Variants in ZWINT observed in about 807,000 individuals in gnomAD.
ZWINT encodes the protein outer kinetochore KNL1 complex subunit ZWINT.
ZWINT carries 41 observed loss-of-function variants against 41.5 expected under a neutral mutation model. The observed-to-expected ratio is 0.99, with a 90% CI of 0.77 to 1.28. The LOEUF (loss-of-function observed/expected upper bound fraction) is 1.28. ZWINT is among the 50% of genes most tolerant of loss of function. ZWINT has a pLI of 0.00. For synonymous variants in ZWINT, 132 were observed against 126.8 expected (o/e 1.04, Z -0.28); for missense variants, 369 against 329.7 (o/e 1.12, Z -0.92).
rs1838328202 is a variant in ZWINT at position 56,361,203 on chromosome 10, CT to C, written c.33del (p.Ala12ProfsTer2). 6.2e-7 allele frequency: 1 copy of C among 1,613,266 alleles called. No individual in the cohort carries two copies. Among genetic ancestry groups the C allele is most frequent in the Non-Finnish European group, 8.5e-7 (1 of 1,179,984 alleles). MEAAETEAEAAALEVLAEVAG... is the reference protein window; with the variant it reads MEAAETEAEAXALEVLAEVAG... ...TTAGCCGCAAACACTTACTCTAGGG[CT>C]GCAGCTTCCGCCTCTGTCTCCGCTG... On this transcript the variant is annotated frameshift_variant, in exon 1 of 9. Coordinates refer to ENST00000373944, the MANE Select transcript of ZWINT (RefSeq NM_007057.4). LOFTEE classifies it high-confidence loss of function.
At chr10:56,360,611 G>T (rs1838305793) in intron 1 of ZWINT, among the ~76,000 whole-genome samples, 1 of 152,190 alleles carries the variant, frequency 6.6e-6, no homozygotes, top group South Asian at 2.1e-4. Context: ...AAATCAGCAG[G>T]GCTAGTGGAT....
At chr10:56,358,269 C>A in intron 8 of ZWINT, 84 bp from the exon 9 acceptor site, 1 of 952,844 alleles carries the variant, frequency 1.0e-6, no homozygotes, top group Non-Finnish European at 1.7e-6. Context: ...TTCCCACCAT[C>A]CATCTGCTCC....
chr10:56,360,775 T>G (rs1344230115), intron 1 of ZWINT, among the ~76,000 whole-genome samples: 4 of 152,078 alleles, frequency 2.6e-5, no homozygotes, highest in Admixed American at 6.5e-5. Flanking sequence ...GCACCAGCCT[T>G]GGGGCAGAGT....
rs1360547174 is a variant in ZWINT, at chr10:56,358,581, C to T, written c.767G>A (p.Gly256Glu). Residue 256 changes from glycine to glutamate, a missense_variant, in exon 7 of 9, where the codon GGG becomes GAG. Transcript: ENST00000373944. ...PQEQSTGDTMGRDPGVSFKAV... is the reference protein window; with the variant it reads ...PQEQSTGDTMERDPGVSFKAV... ...CTTGAAGGACACACCAGGGTCTCTC[C>T]CCATGGTGTCTCCTGTACTCTGCTC... 1 of 1,614,084 alleles carries T rather than the reference C, an allele frequency of 6.2e-7. No individual in the cohort carries two copies. Among genetic ancestry groups the T allele is most frequent in the Admixed American group, 1.7e-5 (1 of 60,020 alleles).
chr10:56,357,816 C>T lies in ZWINT; in HGVS notation c.*411G>A, dbSNP rs1015895767. 2.9e-6 allele frequency: 1 copy of T among 344,932 alleles called. No individual in the cohort carries two copies. Among genetic ancestry groups the T allele is most frequent in the South Asian group, 2.2e-5 (1 of 44,852 alleles). 21.4% of individuals were successfully genotyped at this position (344,932 alleles called of 1,614,324 possible). A position where few individuals can be genotyped will look rare whatever the true frequency, so the allele number is the denominator to read the frequency against. On this transcript the variant is annotated 3_prime_UTR_variant, in exon 9 of 9. Transcript: ENST00000373944. ...ACCTTAGCACAAAGAAAGGACTCAA[C>T]AAACATTTGGATCCATGAATAAAAT...
chr10:56,358,619 C>A lies in ZWINT; in HGVS notation c.729G>T (p.Pro243=). 6.2e-7 allele frequency: 1 copy of A among 1,614,068 alleles called. No individual in the cohort carries two copies. Among genetic ancestry groups the A allele is most frequent in the Non-Finnish European group, 8.5e-7 (1 of 1,180,030 alleles). Reference sequence around the variant, plus strand: ...CTGTACTCTGCTCCTGGGGTCGAGTCGGCTGCTGGGGTTTATCATCTGGAA... The same window carrying A: ...CTGTACTCTGCTCCTGGGGTCGAGTAGGCTGCTGGGGTTTATCATCTGGAA... ...ENLPDDKPQQ[P]TRPQEQSTGD... is the part of the protein sequence containing the mutation. Residue 243 remains proline (P), a synonymous_variant, in exon 7 of 9, where the codon CCG becomes CCT. Transcript: ENST00000373944.
chr10:56,357,357 T>G lies in ZWINT; in HGVS notation c.*870A>C, dbSNP rs1838189768. On this transcript the variant is annotated 3_prime_UTR_variant, in exon 9 of 9. Coordinates refer to ENST00000373944, the MANE Select transcript of ZWINT (RefSeq NM_007057.4). ...AGACCAAATTATTTTTCAAAGAAAT[T>G]TATGAATCAATGAAATAATTATAAC... 1 of 152,136 alleles carries G rather than the reference T, an allele frequency of 6.6e-6. No individual in the cohort carries two copies. The highest frequency in any genetic ancestry group is 2.4e-5 in the African/African-American group (1 of 41,456). 9.4% of individuals were successfully genotyped at this position (152,136 alleles called of 1,614,324 possible). A position where few individuals can be genotyped will look rare whatever the true frequency, so the allele number is the denominator to read the frequency against.
intron 5 of ZWINT, 64 bp from the exon 6 acceptor site, chr10:56,359,011 C>T: frequency 6.3e-7 from 1 of 1,580,824 alleles, no homozygotes; most frequent in Non-Finnish European, 8.6e-7. Flanking sequence ...CTCCCTCCAA[C>T]CCCTCCAGCC....
chr10:56,359,782 T>C lies in ZWINT; in HGVS notation c.328A>G (p.Ile110Val), dbSNP rs1311380641. ...AGGGCCTTGGTGAGGCCAATTTTGA[T>C]GGCCTCTACGTGCTCCCTGTAGGTG... The part of the protein sequence containing the change: ...KATYREHVEA[I>V]KIGLTKALTQ... Residue 110 changes from isoleucine (I) to valine (V), a missense_variant, in exon 4 of 9, where the codon ATC (isoleucine) becomes GTC (valine). Ile to Val is a conservative substitution (Grantham distance 29). Coordinates refer to ENST00000373944, the MANE Select transcript of ZWINT (RefSeq NM_007057.4). 12 of 1,614,050 alleles carry C rather than the reference T, an allele frequency of 7.4e-6. No individual in the cohort carries two copies. Among genetic ancestry groups the C allele is most frequent in the Non-Finnish European group, 8.5e-6 (10 of 1,180,040 alleles).
intron 4 of ZWINT, 58 bp downstream of exon 4, chr10:56,359,629 T>A: frequency 6.2e-7 from 1 of 1,608,240 alleles, no homozygotes; most frequent in Non-Finnish European, 8.5e-7. Flanking sequence ...TTGCTCACTC[T>A]TTCCCTCTTC....
At position 56,358,155 on chromosome 10, in the gene ZWINT, T is replaced by G; in HGVS notation, c.*72A>C. The G allele has an allele frequency of 1.4e-6, 1 of 726,150 alleles. No individual in the cohort carries two copies. The highest frequency in any genetic ancestry group is 2.6e-6 in the Non-Finnish European group (1 of 384,094). 45.0% of individuals were successfully genotyped at this position (726,150 alleles called of 1,614,324 possible). Reference sequence around the variant, plus strand: ...CAGGAGTTCACAGTCTTTCCTGTAATGATGGTTGGGAGGTGAGGGAAGTCA... The same window carrying G: ...CAGGAGTTCACAGTCTTTCCTGTAAGGATGGTTGGGAGGTGAGGGAAGTCA... On this transcript the variant is annotated 3_prime_UTR_variant, in exon 9 of 9. Transcript: ENST00000373944.
rs1838242781 is a variant in ZWINT at position 56,358,864 on chromosome 10, C to T, written c.564G>A (p.Val188=). The change falls in exon 6 of 9, where the codon GTG becomes GTA. Residue 188 remains valine (V), a synonymous_variant. Transcript: ENST00000373944. The part of the protein sequence containing the change: ...KTGTQQELDR[V]FQKLGNLKQQ... Reference sequence around the variant, plus strand: ...GCTTCAGGTTTCCAAGTTTCTGAAACACCCTGTCAAGCTCCTGCTGAGTCC... The same window carrying T: ...GCTTCAGGTTTCCAAGTTTCTGAAATACCCTGTCAAGCTCCTGCTGAGTCC... The T allele has an allele frequency of 1.2e-6, 2 of 1,614,108 alleles. No homozygotes were observed. Among genetic ancestry groups the T allele is most frequent in the East Asian group, 2.2e-5 (1 of 44,860 alleles).
chr10:56,357,937 C>T lies in ZWINT; in HGVS notation c.*290G>A, dbSNP rs1213022826. 1 of 407,354 alleles carries T rather than the reference C, an allele frequency of 2.5e-6. No individual in the cohort carries two copies. Among genetic ancestry groups the T allele is most frequent in the African/African-American group, 2.1e-5 (1 of 48,640 alleles). 25.2% of individuals were successfully genotyped at this position (407,354 alleles called of 1,614,324 possible). ...TCATAGGAGGCCCAAGGCCAGTACC[C>T]CCTCCCCATCTGCACACCCTGTGTT... On this transcript the variant is annotated 3_prime_UTR_variant, in exon 9 of 9. Transcript: ENST00000373944.
rs1236613680 is a variant in ZWINT, at chr10:56,358,852, A to G, written c.576T>C (p.Leu192=). 9.9e-6 allele frequency: 16 copies of G among 1,613,996 alleles called. No individual in the cohort carries two copies. The highest frequency in any genetic ancestry group is 1.4e-5 in the Non-Finnish European group (16 of 1,180,002). The stretch of plus-strand genomic sequence containing the variant: ...GTTCTGCCTGCTGCTTCAGGTTTCC[A>G]AGTTTCTGAAACACCCTGTCAAGCT... ...QQELDRVFQK[L]GNLKQQAEQE... The change falls in exon 6 of 9, where the codon CTT becomes CTC. Residue 192 remains leucine, a synonymous_variant. Coordinates refer to ENST00000373944, the MANE Select transcript of ZWINT (RefSeq NM_007057.4).
chr10:56,360,443 G>C, intron 1 of ZWINT, 60 bp from the exon 2 acceptor site: 1 of 1,403,392 alleles, frequency 7.1e-7, no homozygotes, highest in Non-Finnish European at 1.0e-6. Context: ...TCTACAGTTC[G>C]TGTGTGTACA....
In ZWINT at chr10:56,359,762, C is replaced by T; in HGVS notation, c.348G>A (p.Lys116=). Residue 116 remains lysine, a synonymous_variant, in exon 4 of 9, where the codon AAG becomes AAA. Coordinates refer to ENST00000373944, the MANE Select transcript of ZWINT (RefSeq NM_007057.4). ...GGGCTTCCTCCATCTGAGTCAGGGC[C>T]TTGGTGAGGCCAATTTTGATGGCCT... ...HVEAIKIGLT[K]ALTQMEEAQR... is the part of the protein sequence containing the mutation. 6.2e-7 allele frequency: 1 copy of T among 1,614,180 alleles called. No individual in the cohort carries two copies. The highest frequency in any genetic ancestry group is 8.5e-7 in the Non-Finnish European group (1 of 1,180,036).
intron 3 of ZWINT, 57 bp downstream of exon 3, chr10:56,359,961 A>T: frequency 6.2e-7 from 1 of 1,607,738 alleles, no homozygotes; most frequent in Non-Finnish European, 8.5e-7. Context: ...ACCTAACTGA[A>T]ATCCTCCTTC....
In ZWINT at chr10:56,361,250, G is replaced by A. The variant is rs762388883; in HGVS notation, c.-14C>T. 9 of 1,608,868 alleles carry A rather than the reference G, an allele frequency of 5.6e-6. No homozygotes were observed. Among genetic ancestry groups the A allele is most frequent in the Non-Finnish European group, 7.6e-6 (9 of 1,177,812 alleles). On this transcript the variant is annotated 5_prime_UTR_variant, in exon 1 of 9. Coordinates refer to ENST00000373944, the MANE Select transcript of ZWINT (RefSeq NM_007057.4). ...CGCTGCCTCCATCTTTCCAGGCGCC[G>A]AGTTCAGCTGCCTTCCCACAATCCC...
At position 56,358,201 on chromosome 10, in the gene ZWINT, G is replaced by C; in HGVS notation, c.*42-16C>G. On this transcript the variant is annotated splice_polypyrimidine_tract_variant and intron_variant, in intron 8 of 8. Transcript: ENST00000373944. ...AGTCAGAGGCCTGGGGAAGAAGACA[G>C]GGGTTAGCTCTGGGTGGGCTAAGCA... The C allele has an allele frequency of 1.3e-6, 1 of 770,756 alleles. No individual in the cohort carries two copies. The highest frequency in any genetic ancestry group is 1.7e-5 in the Admixed American group (1 of 58,366). 47.7% of individuals were successfully genotyped at this position (770,756 alleles called of 1,614,324 possible). A position where few individuals can be genotyped will look rare whatever the true frequency, so the allele number is the denominator to read the frequency against.
Sources: allele counts gnomAD v4.1 joint callset (sites outside exome capture counted in the v4.1 genomes callset), GRCh38; gene constraint gnomAD v4.1.1; transcripts MANE v1.5; gene names NCBI Gene and HGNC (gene_info 2026-07-23, HGNC 2026-07-21).